The following CCDC144A variants were observed in gnomAD, a reference collection of about 807,000 sequenced individuals.
The protein encoded by CCDC144A is coiled-coil domain containing 144A.
CCDC144A carries 41 observed loss-of-function variants against 143.8 expected under a neutral mutation model. The ratio of observed to expected loss-of-function variants is 0.29; its 90% CI spans 0.22 to 0.37. The LOEUF (loss-of-function observed/expected upper bound fraction) is 0.37, where lower values mean the gene tolerates loss of function less well. Among genes scored for constraint, CCDC144A ranks in the 10% least tolerant of loss-of-function variants. The pLI is 1.00. For missense variants in CCDC144A, 637 were observed against 1,488.8 expected, an observed-to-expected ratio of 0.43 and a Z score of 9.41; for synonymous variants, 242 against 517.9, an observed-to-expected ratio of 0.47 and a Z score of 7.23.
At chr17:16,672,050 T>G in the CCDC144A span, among the ~76,000 whole-genome samples, 1 of 152,098 alleles carries the variant, frequency 6.6e-6, no homozygotes. Context: ...GTTACCGTTT[T>G]GTAATACACA....
intron 15 of CCDC144A, 76 bp from the exon 16 acceptor site, chr17:16,771,901 G>T (rs1464564949): frequency 2.1e-5 from 26 of 1,210,250 alleles, no homozygotes; most frequent in Non-Finnish European, 2.7e-5. Flanking sequence ...TTTAAAGGCC[G>T]CATTTTGTAA....
chr17:16,737,383 G>T (rs978742205), intron 12 of CCDC144A, among the ~76,000 whole-genome samples: 3 of 151,596 alleles, frequency 2.0e-5, no homozygotes, highest in African/African-American at 7.3e-5. Flanking sequence ...AGCCGGGATG[G>T]TCTCGATCTC....
chr17:16,707,592 T>G (rs1912134858), intron 4 of CCDC144A, 50 bp downstream of exon 4: 2 of 1,238,356 alleles, frequency 1.6e-6, no homozygotes, highest in South Asian at 2.8e-5. Flanking sequence ...AATACTCTTT[T>G]CTTTGCTTTA....
intron 12 of CCDC144A, among the ~76,000 whole-genome samples, chr17:16,757,974 C>G (rs1915177139): frequency 6.6e-6 from 1 of 152,164 alleles, no homozygotes; most frequent in Non-Finnish European, 1.5e-5. Context: ...GGATCCCTAT[C>G]AATTTCCTGC....
At chr17:16,729,709 C>A (rs141886051) in intron 9 of CCDC144A, among the ~76,000 whole-genome samples, 3,825 of 151,644 alleles carry the variant, frequency 0.025, 71 homozygotes, top group Non-Finnish European at 0.035. Context: ...GCATTGCCAC[C>A]ACGCCTGGCT....
At position 16,732,541 on chromosome 17, in the gene CCDC144A, G is replaced by A; in HGVS notation, c.2293G>A (p.Val765Met). The A allele has an allele frequency of 6.2e-7, 1 of 1,607,882 alleles. No homozygotes were observed. The highest frequency in any genetic ancestry group is 8.5e-7 in the Non-Finnish European group (1 of 1,177,908). Residue 765 changes from valine to methionine, a missense_variant, in exon 11 of 17, where the codon GTG (valine) becomes ATG (methionine). By Grantham distance (21) the Val-to-Met change is conservative (BLOSUM62 1). Coordinates refer to ENST00000399273, the MANE Select transcript of CCDC144A (RefSeq NM_001382000.1). Reference sequence around the variant, plus strand: ...AAAACCTCCATGTTATCTCTAGGTTGTGCAGGAGAGAAACGATGCCCAGAA... The same window carrying A: ...AAAACCTCCATGTTATCTCTAGGTTATGCAGGAGAGAAACGATGCCCAGAA... The part of the protein sequence containing the change: ...RTVRNNLDLV[V>M]QERNDAQKQL...
chr17:16,683,292 T>C, the CCDC144A span: 2 of 576,390 alleles, frequency 3.5e-6, no homozygotes, highest in South Asian at 2.3e-5. Flanking sequence ...ACACAACATA[T>C]ATACAATTTT....
At chr17:16,729,510 G>C (rs1913609151) in intron 9 of CCDC144A, among the ~76,000 whole-genome samples, 1 of 151,980 alleles carries the variant, frequency 6.6e-6, no homozygotes, top group Non-Finnish European at 1.5e-5. Flanking sequence ...CTATTCTGTA[G>C]GTTCTCTTAC....
At chr17:16,700,654 A>G (rs1471025246) in intron 2 of CCDC144A, among the ~76,000 whole-genome samples, 3 of 152,250 alleles carry the variant, frequency 2.0e-5, no homozygotes, top group Non-Finnish European at 1.5e-5. Context: ...AAAATTTTAT[A>G]TAATATAATA....
chr17:16,728,387 C>T (rs1487920519), intron 9 of CCDC144A, among the ~76,000 whole-genome samples: 1 of 152,090 alleles, frequency 6.6e-6, no homozygotes, highest in East Asian at 1.9e-4. Context: ...AAACTGTTTG[C>T]TTTGAATAAA....
intron 15 of CCDC144A, 52 bp downstream of exon 15, chr17:16,764,227 T>A: frequency 6.4e-7 from 1 of 1,568,170 alleles, no homozygotes; most frequent in Non-Finnish European, 8.6e-7. Flanking sequence ...AATTCTTGTA[T>A]GTTATTTGGT....
chr17:16,724,591 G>A (rs1338402592), intron 8 of CCDC144A, among the ~76,000 whole-genome samples: 1 of 151,038 alleles, frequency 6.6e-6, no homozygotes, highest in African/African-American at 2.4e-5. Context: ...TACTTGAGAA[G>A]CATGGTGTTG....
At chr17:16,672,673 T>C in the CCDC144A span, among the ~76,000 whole-genome samples, 1 of 152,128 alleles carries the variant, frequency 6.6e-6, no homozygotes, top group East Asian at 1.9e-4. Flanking sequence ...AGTAAAAATA[T>C]ACAACAGAAA....
chr17:16,756,946 G>A (rs1038069730), intron 12 of CCDC144A, among the ~76,000 whole-genome samples: 21 of 152,264 alleles, frequency 1.4e-4, no homozygotes, highest in Non-Finnish European at 2.9e-5. Flanking sequence ...AGTAGCAGGG[G>A]ATGCTGTGGT....
chr17:16,703,897 A>G (rs1911889432), intron 2 of CCDC144A, among the ~76,000 whole-genome samples: 2 of 152,318 alleles, frequency 1.3e-5, no homozygotes, highest in South Asian at 4.1e-4. Flanking sequence ...TAGAGCTATG[A>G]TGTTATGACA....
chr17:16,765,745 TA>T (rs1915567946), intron 15 of CCDC144A: 1 of 151,930 alleles, frequency 6.6e-6, no homozygotes, highest in Non-Finnish European at 1.5e-5. Flanking sequence ...AGCTAGCTGA[TA>T]TTTTTAATCA....
upstream of CCDC144A, among the ~76,000 whole-genome samples, chr17:16,686,102 T>TTTTTTTTTTG (rs1567578380): frequency 2.0e-3 from 291 of 147,146 alleles, 1 homozygote; most frequent in African/African-American, 6.3e-3. Context: ...TTTTTTTTTT[T>TTTTTTTTTTG]TTTTTTTTTT....
chr17:16,746,904 CCTCCCCTCT>C (rs1914562802), intron 12 of CCDC144A: 1 of 606,352 alleles, frequency 1.6e-6, no homozygotes. Context: ...CCCTCCCCTC[CCTCCCCTCT>C]AGGTCCCAAT....
At chr17:16,696,017 T>A (rs1911377009) in intron 2 of CCDC144A, among the ~76,000 whole-genome samples, 1 of 152,058 alleles carries the variant, frequency 6.6e-6, no homozygotes, top group African/African-American at 2.4e-5. Context: ...GGCAAGCTCA[T>A]GACAGACTTT....
Sources: gnomAD v4.1 joint callset for allele counts (sites outside exome capture counted in the v4.1 genomes callset) on GRCh38, gnomAD v4.1.1 for gene constraint, MANE v1.5 for transcripts, NCBI Gene and HGNC (gene_info 2026-07-23, HGNC 2026-07-21) for gene names.